Variants in SOX5 observed in about 807,000 individuals in gnomAD.
SOX5 encodes the protein transcription factor SOX-5.
In SOX5, 9 loss-of-function variants were observed where a neutral mutation model predicts 92.0. The ratio of observed to expected loss-of-function variants is 0.10; its 90% CI spans 0.06 to 0.17. The LOEUF (loss-of-function observed/expected upper bound fraction) is 0.17, where lower values mean the gene tolerates loss of function less well. SOX5 is among the 10% of genes least tolerant of loss of function. The probability of loss-of-function intolerance (pLI) is 1.00; values close to 1 mark genes in which losing one functional copy is unlikely to be tolerated. For synonymous variants in SOX5, 344 were observed against 336.3 expected (o/e 1.02, Z -0.25); for missense variants, 642 against 944.5 (o/e 0.68, Z 4.20).
chr12:24,373,709 T>C (rs1268411545), intron 1 of SOX5, among the ~76,000 whole-genome samples: 2 of 152,218 alleles, frequency 1.3e-5, no homozygotes, highest in African/African-American at 2.4e-5. Flanking sequence ...TAAGTAGATA[T>C]AGATTCTTAA....
chr12:24,547,907 G>A (rs1952799375), intron 1 of SOX5, among the ~76,000 whole-genome samples: 1 of 152,142 alleles, frequency 6.6e-6, no homozygotes, highest in African/African-American at 2.4e-5. Context: ...ATTCAAATCT[G>A]AATTCAACAA....
At chr12:24,251,357 A>G (rs541659018) in intron 3 of SOX5, among the ~76,000 whole-genome samples, 1 of 152,218 alleles carries the variant, frequency 6.6e-6, no homozygotes, top group Non-Finnish European at 1.5e-5. Context: ...TCAGCATGGC[A>G]GGAAGTTCCT....
At chr12:23,605,948 T>TA (rs1412615929) in intron 8 of SOX5, among the ~76,000 whole-genome samples, 1 of 152,032 alleles carries the variant, frequency 6.6e-6, no homozygotes, top group Non-Finnish European at 1.5e-5. Context: ...TGTGTTGGAA[T>TA]AATTACATCT....
chr12:24,122,868 T>A (rs1948767128), intron 4 of SOX5, among the ~76,000 whole-genome samples: 1 of 152,224 alleles, frequency 6.6e-6, no homozygotes, highest in Admixed American at 6.5e-5. Context: ...GGACACAATG[T>A]GATGTTAACT....
chr12:23,790,548 T>TCTCTCTCA (rs1340837266), intron 3 of SOX5, among the ~76,000 whole-genome samples: 14 of 137,322 alleles, frequency 1.0e-4, no homozygotes, highest in African/African-American at 3.6e-4. Flanking sequence ...TCTCAATCTC[T>TCTCTCTCA]CACACACACA....
At chr12:24,335,429 T>A (rs1015195218) in intron 2 of SOX5, among the ~76,000 whole-genome samples, 4 of 152,210 alleles carry the variant, frequency 2.6e-5, no homozygotes, top group Non-Finnish European at 4.4e-5. Flanking sequence ...AGGTACTAAG[T>A]GCAGCACACA....
intron 4 of SOX5, among the ~76,000 whole-genome samples, chr12:24,043,633 A>C (rs1215868931): frequency 1.3e-5 from 2 of 152,194 alleles, no homozygotes; most frequent in Non-Finnish European, 2.9e-5. Flanking sequence ...CTGTGTTTTT[A>C]GTATCCTAAC....
At chr12:23,735,265 G>A (rs1029510130) in intron 5 of SOX5, among the ~76,000 whole-genome samples, 2 of 152,006 alleles carry the variant, frequency 1.3e-5, no homozygotes, top group African/African-American at 4.8e-5. Flanking sequence ...CTCAGTGCAT[G>A]CTATTGTGGT....
At chr12:23,571,238 T>A (rs1007675224) in intron 10 of SOX5, among the ~76,000 whole-genome samples, 1 of 151,980 alleles carries the variant, frequency 6.6e-6, no homozygotes, top group South Asian at 2.1e-4. Flanking sequence ...AGTCATCGTG[T>A]CTTAACCTGG....
At chr12:24,478,471 A>T (rs1051999923) in intron 1 of SOX5, among the ~76,000 whole-genome samples, 4 of 152,200 alleles carry the variant, frequency 2.6e-5, no homozygotes, top group African/African-American at 7.2e-5. Flanking sequence ...AAAGAATTGT[A>T]TTCTTTTCCA....
intron 11 of SOX5, among the ~76,000 whole-genome samples, chr12:23,548,450 G>C (rs1272865758): frequency 1.3e-5 from 2 of 152,036 alleles, no homozygotes; most frequent in African/African-American, 2.4e-5. Context: ...CTTCTCAAGA[G>C]GACGTCAGTG....
intron 2 of SOX5, among the ~76,000 whole-genome samples, chr12:23,861,135 C>G (rs10505908): frequency 6.6e-6 from 1 of 151,780 alleles, no homozygotes; most frequent in Non-Finnish European, 1.5e-5. Context: ...CATTGTAAAA[C>G]TAAGGGATAA....
chr12:23,654,930 A>C (rs1414392449), intron 7 of SOX5, among the ~76,000 whole-genome samples: 1 of 152,184 alleles, frequency 6.6e-6, no homozygotes, highest in Non-Finnish European at 1.5e-5. Context: ...GTTAGTTCTT[A>C]ACTGCTTTGT....
chr12:23,752,384 A>G (rs180780493), intron 4 of SOX5, among the ~76,000 whole-genome samples: 1 of 152,004 alleles, frequency 6.6e-6, no homozygotes, highest in East Asian at 1.9e-4. Flanking sequence ...AAAACAATTG[A>G]GAGTATTTTG....
chr12:24,252,437 C>T (rs544470546), intron 3 of SOX5, among the ~76,000 whole-genome samples: 1 of 151,684 alleles, frequency 6.6e-6, no homozygotes, highest in Admixed American at 6.6e-5. Context: ...CTTACAATCA[C>T]TGAATGAAAA....
chr12:24,417,791 G>A (rs540031470), intron 1 of SOX5, among the ~76,000 whole-genome samples: 1 of 152,248 alleles, frequency 6.6e-6, no homozygotes, highest in East Asian at 1.9e-4. Flanking sequence ...GGTGGTGGTG[G>A]TGCTAGAGCC....
chr12:23,714,520 G>C (rs933582838), intron 6 of SOX5, among the ~76,000 whole-genome samples: 23 of 152,184 alleles, frequency 1.5e-4, no homozygotes, highest in Admixed American at 1.0e-3. Flanking sequence ...TATTAGGGAA[G>C]CTGAGGAACA....
At chr12:24,142,427 A>G (rs1950673524) in intron 4 of SOX5, among the ~76,000 whole-genome samples, 1 of 152,060 alleles carries the variant, frequency 6.6e-6, no homozygotes, top group African/African-American at 2.4e-5. Flanking sequence ...ACTACACCCA[A>G]AGTTGTATTG....
intron 3 of SOX5, among the ~76,000 whole-genome samples, chr12:24,234,632 C>T (rs1473591260): frequency 6.6e-6 from 1 of 152,224 alleles, no homozygotes; most frequent in Admixed American, 6.5e-5. Flanking sequence ...TCCACCTCAG[C>T]CTCCCAAAGT....
Sources: allele counts gnomAD v4.1 joint callset (sites outside exome capture counted in the v4.1 genomes callset), GRCh38; gene constraint gnomAD v4.1.1; transcripts MANE v1.5; gene names NCBI Gene and HGNC (gene_info 2026-07-23, HGNC 2026-07-21).